Variants in PAK5 observed in about 807,000 individuals in gnomAD.
PAK5 encodes the protein serine/threonine-protein kinase PAK 5.
A neutral mutation model predicts 65.9 loss-of-function variants in PAK5; 16 were observed. The ratio of observed to expected loss-of-function variants is 0.24; its 90% confidence interval spans 0.16 to 0.37. The LOEUF (loss-of-function observed/expected upper bound fraction) is 0.37. Ranked by LOEUF, PAK5 falls within the 10% of genes least tolerant of loss-of-function variation. The pLI is 1.00. For missense variants in PAK5, 785 were observed against 903.9 expected, an observed-to-expected ratio of 0.87 and a Z score of 1.69; for synonymous variants, 371 against 354.9, an observed-to-expected ratio of 1.05 and a Z score of -0.51.
intron 1 of PAK5, among the ~76,000 whole-genome samples, chr20:9,804,815 G>A (rs996842396): frequency 1.6e-4 from 25 of 152,138 alleles, no homozygotes; most frequent in East Asian, 1.9e-4. Context: ...TTGGGAGGCT[G>A]AGGTGGAAGG....
intron 1 of PAK5, among the ~76,000 whole-genome samples, chr20:9,752,547 G>T (rs561567563): frequency 6.6e-6 from 1 of 151,866 alleles, no homozygotes; most frequent in Non-Finnish European, 1.5e-5. Context: ...AAATTTTTGA[G>T]GTGGTATATA....
chr20:9,665,014 A>G lies in PAK5; in HGVS notation c.-11-20675T>C, dbSNP rs2047395131. 6.6e-5 allele frequency among the ~76,000 whole-genome samples: 10 copies of G among 150,460 alleles called. No homozygotes were observed. The Admixed American group carries it at 6.6e-4, about 10-fold the overall frequency. On this transcript the variant is annotated intron_variant, in intron 2 of 9. Transcript: ENST00000353224. Reference sequence around the variant, plus strand: ...GGCCCTGAATTCCTGGGCTCAAGTGATCCTCCCACCTCAGCCTCCCAAGTA... The same window carrying G: ...GGCCCTGAATTCCTGGGCTCAAGTGGTCCTCCCACCTCAGCCTCCCAAGTA...
chr20:9,785,068 AGATACAAGTTTT>A (rs1215271877), intron 1 of PAK5, among the ~76,000 whole-genome samples: 1 of 152,126 alleles, frequency 6.6e-6, no homozygotes, highest in Non-Finnish European at 1.5e-5. Flanking sequence ...TTAAAAGCCA[AGATACAAGTTTT>A]AACTTGTATC....
rs367904361 is a variant in PAK5, at chr20:9,649,197, T to C, written c.-11-4858A>G. 2.7e-4 allele frequency among the ~76,000 whole-genome samples: 41 copies of C among 152,368 alleles called. 2 individuals carry two copies. In the South Asian group the frequency reaches 7.9e-3, roughly 29 times the overall value. On this transcript the variant is annotated intron_variant, in intron 2 of 9. Transcript: ENST00000353224. ...TGTGAACATTCACCTGGCAGTTTGA[T>C]TCAGCATTAACCAAGTTGGCTCCTT... is the stretch of plus-strand genomic sequence containing the variant.
chr20:9,680,768 G>C (rs1172332688), intron 2 of PAK5, among the ~76,000 whole-genome samples: 2 of 152,126 alleles, frequency 1.3e-5, no homozygotes, highest in African/African-American at 2.4e-5. Flanking sequence ...ACCGGAGCAG[G>C]GGTGCTGCCA....
intron 1 of PAK5, among the ~76,000 whole-genome samples, chr20:9,805,888 T>C (rs112958007): frequency 0.011 from 1,723 of 152,310 alleles, 30 homozygotes; most frequent in African/African-American, 0.039. Flanking sequence ...CCTTTTTTAT[T>C]CAGTTGTGGT....
chr20:9,713,368 T>C (rs1057089725), intron 1 of PAK5, among the ~76,000 whole-genome samples: 11 of 151,766 alleles, frequency 7.2e-5, no homozygotes, highest in Non-Finnish European at 1.3e-4. Context: ...AAATAACAAA[T>C]GCTGGCAAGG....
chr20:9,555,560 C>T (rs1008783081), intron 7 of PAK5, among the ~76,000 whole-genome samples: 2 of 152,148 alleles, frequency 1.3e-5, no homozygotes, highest in Admixed American at 6.5e-5. Flanking sequence ...TGGAGCCTTG[C>T]GTAGGTGCTT....
intron 1 of PAK5, among the ~76,000 whole-genome samples, chr20:9,804,995 A>G (rs2049214577): frequency 6.6e-6 from 1 of 152,220 alleles, no homozygotes. Flanking sequence ...ATGGTCTAGT[A>G]TCCAGAATAT....
At chr20:9,581,039 C>T (rs1444162780) in intron 3 of PAK5, 109 bp from the exon 4 acceptor site, 2 of 742,662 alleles carry the variant, frequency 2.7e-6, no homozygotes, top group African/African-American at 1.8e-5. Flanking sequence ...AGAAAAAAGA[C>T]CCCGGGAACA....
At position 9,537,593 on chromosome 20, in the gene PAK5, T is replaced by G. The variant is rs935035247; in HGVS notation, c.*1869A>C. 4.7e-6 allele frequency: 1 copy of G among 211,778 alleles called. No homozygotes were observed. Among genetic ancestry groups the G allele is most frequent in the African/African-American group, 2.3e-5 (1 of 44,064 alleles). The allele number at this position is 211,778 out of a possible 1,614,324, so 13.1% of individuals were successfully genotyped here. ...ATCCACTATTTTCTGCAATAGTTTT[T>G]AATGTTTATTCTGGTTTAAAAAAGA... On this transcript the variant is annotated 3_prime_UTR_variant, in exon 10 of 10. Transcript: ENST00000353224.
chr20:9,596,171 A>T (rs563387710), intron 3 of PAK5, among the ~76,000 whole-genome samples: 1 of 152,320 alleles, frequency 6.6e-6, no homozygotes, highest in South Asian at 2.1e-4. Context: ...AAATGTATTT[A>T]AGTAGTCCTC....
At chr20:9,793,397 C>G (rs553930507) in intron 1 of PAK5, among the ~76,000 whole-genome samples, 5 of 152,000 alleles carry the variant, frequency 3.3e-5, no homozygotes, top group Non-Finnish European at 5.9e-5. Context: ...AATAGGTTAC[C>G]TATAGGTTGG....
chr20:9,786,056 T>C (rs1408493319), intron 1 of PAK5, among the ~76,000 whole-genome samples: 4 of 152,164 alleles, frequency 2.6e-5, no homozygotes, highest in African/African-American at 9.7e-5. Context: ...GCTTGTCATG[T>C]CATGGTTGAA....
At chr20:9,724,616 T>G (rs572261842) in intron 1 of PAK5, among the ~76,000 whole-genome samples, 1 of 152,286 alleles carries the variant, frequency 6.6e-6, no homozygotes, top group Non-Finnish European at 1.5e-5. Context: ...ATTTGGGGGC[T>G]CCAGCTAAGA....
chr20:9,658,774 T>A (rs1294182352), intron 2 of PAK5, among the ~76,000 whole-genome samples: 1 of 152,202 alleles, frequency 6.6e-6, no homozygotes, highest in Non-Finnish European at 1.5e-5. Flanking sequence ...AAGCTACCAA[T>A]GTGACATTGC....
intron 4 of PAK5, among the ~76,000 whole-genome samples, chr20:9,578,098 A>G (rs1274122107): frequency 6.6e-6 from 1 of 152,178 alleles, no homozygotes. Context: ...CCGAGATAAC[A>G]TACGCCCAAA....
intron 1 of PAK5, among the ~76,000 whole-genome samples, chr20:9,746,291 G>C (rs192011319): frequency 2.0e-5 from 3 of 152,098 alleles, no homozygotes; most frequent in African/African-American, 7.2e-5. Context: ...GTCTTGGAAC[G>C]CATCTTTTCT....
intron 1 of PAK5, among the ~76,000 whole-genome samples, chr20:9,829,966 C>A (rs1978575798): frequency 6.6e-6 from 1 of 152,152 alleles, no homozygotes; most frequent in African/African-American, 2.4e-5. Context: ...GTCCAAGCTC[C>A]ATTTACACCT....
Sources: allele counts gnomAD v4.1 joint callset (sites outside exome capture counted in the v4.1 genomes callset), GRCh38; gene constraint gnomAD v4.1.1; transcripts MANE v1.5; gene names NCBI Gene and HGNC (gene_info 2026-07-23, HGNC 2026-07-21).